The following AGPS variants were observed in gnomAD, a reference collection of about 807,000 sequenced individuals.
AGPS encodes the protein alkyldihydroxyacetonephosphate synthase, peroxisomal.
In AGPS, 26 loss-of-function variants were observed where a neutral mutation model predicts 90.7. The ratio of observed to expected loss-of-function variants is 0.29; its 90% CI spans 0.21 to 0.40. The LOEUF (loss-of-function observed/expected upper bound fraction) is 0.40, where lower values mean the gene tolerates loss of function less well. Among genes scored for constraint, AGPS ranks in the 10% least tolerant of loss-of-function variants. The probability of loss-of-function intolerance (pLI) is 1.00; values close to 1 mark genes in which losing one functional copy is unlikely to be tolerated. For missense variants in AGPS, 540 were observed against 816.1 expected (o/e 0.66, Z 4.12); for synonymous variants, 294 against 285.3 (o/e 1.03, Z -0.31).
At chr2:177,503,625 A>G (rs1040130894) in intron 14 of AGPS, among the ~76,000 whole-genome samples, 20 of 152,232 alleles carry the variant, frequency 1.3e-4, no homozygotes, top group Non-Finnish European at 2.9e-4. Flanking sequence ...GAGTGATTAC[A>G]AAAGTCACAA....
intron 1 of AGPS, among the ~76,000 whole-genome samples, chr2:177,408,603 C>T (rs1342107418): frequency 6.6e-6 from 1 of 152,170 alleles, no homozygotes; most frequent in Non-Finnish European, 1.5e-5. Flanking sequence ...CTGTCTCCCA[C>T]ATGGTGAGTG....
intron 2 of AGPS, among the ~76,000 whole-genome samples, chr2:177,431,946 T>A (rs1354532079): frequency 6.6e-6 from 1 of 152,218 alleles, no homozygotes; most frequent in Non-Finnish European, 1.5e-5. Flanking sequence ...ATAAGAGTAT[T>A]AATTTTGGGA....
At chr2:177,495,069 A>G (rs555040586) in intron 12 of AGPS, among the ~76,000 whole-genome samples, 35 of 152,350 alleles carry the variant, frequency 2.3e-4, no homozygotes, top group Middle Eastern at 3.4e-3. Context: ...AACTCTTAAT[A>G]CATTATATTG....
At chr2:177,511,159 C>T (rs1295610433) in intron 16 of AGPS, among the ~76,000 whole-genome samples, 3 of 152,080 alleles carry the variant, frequency 2.0e-5, no homozygotes, top group Admixed American at 1.3e-4. Flanking sequence ...AGTGCAGTGA[C>T]GCTTATCACG....
At position 177,539,067 on chromosome 2, in the gene AGPS, A is replaced by G. The variant is rs2079208878; in HGVS notation, c.*872A>G. Reference sequence around the variant, plus strand: ...AACAGCTACAGCAAGAGCAGAAGGAAAACTCTTAGACTTAATGTCTCCAAT... The same window carrying G: ...AACAGCTACAGCAAGAGCAGAAGGAGAACTCTTAGACTTAATGTCTCCAAT... On this transcript the variant is annotated 3_prime_UTR_variant, in exon 20 of 20. Coordinates refer to ENST00000264167, the MANE Select transcript of AGPS (RefSeq NM_003659.4). 1.3e-5 allele frequency: 2 copies of G among 152,192 alleles called. No individual in the cohort carries two copies. Among genetic ancestry groups the G allele is most frequent in the African/African-American group, 4.8e-5 (2 of 41,572 alleles). The allele number at this position is 152,192 out of a possible 1,614,324, so 9.4% of individuals were successfully genotyped here.
chr2:177,517,269 C>G (rs774947653), intron 17 of AGPS, among the ~76,000 whole-genome samples: 1 of 151,920 alleles, frequency 6.6e-6, no homozygotes, highest in African/African-American at 2.4e-5. Context: ...TTCTTGATAT[C>G]TTTTGTATAT....
chr2:177,534,813 G>A (rs918166538), intron 19 of AGPS, among the ~76,000 whole-genome samples: 7 of 77,692 alleles, frequency 9.0e-5, no homozygotes, highest in South Asian at 6.0e-4. Flanking sequence ...TACCCAGGCT[G>A]GTCTTGAACT....
At position 177,540,345 on chromosome 2, in the gene AGPS, A is replaced by G. The variant is rs1336425030; in HGVS notation, c.*2150A>G. The G allele has an allele frequency of 1.3e-5, 2 of 151,970 alleles. No homozygotes were observed. The highest frequency in any genetic ancestry group is 4.8e-5 in the African/African-American group (2 of 41,410). 9.4% of individuals were successfully genotyped at this position (151,970 alleles called of 1,614,324 possible). On this transcript the variant is annotated 3_prime_UTR_variant, in exon 20 of 20. Coordinates refer to ENST00000264167, the MANE Select transcript of AGPS (RefSeq NM_003659.4). Reference sequence around the variant, plus strand: ...TTCCAAGTATATGCAGGACTCCCCAACCTTGATTTTATAATGGTGACTGCA... The same window carrying G: ...TTCCAAGTATATGCAGGACTCCCCAGCCTTGATTTTATAATGGTGACTGCA...
At chr2:177,402,916 G>A (rs1028986419) in intron 1 of AGPS, among the ~76,000 whole-genome samples, 4 of 152,048 alleles carry the variant, frequency 2.6e-5, no homozygotes, top group African/African-American at 9.7e-5. Context: ...AATTAGCCAG[G>A]CGTGGTGGTG....
chr2:177,436,823 C>A lies in AGPS; in HGVS notation c.501C>A (p.Asp167Glu). The change falls in exon 4 of 20, where the codon GAC becomes GAA. Residue 167 changes from aspartate to glutamate, a missense_variant. Transcript: ENST00000264167. ...TTGTAAATGAAGATTTTCTTCATGACCTTAAAGAAACTAATATTTCATATT... is the reference window on the plus strand; with the variant it reads ...TTGTAAATGAAGATTTTCTTCATGAACTTAAAGAAACTAATATTTCATATT... ...PSVVNEDFLH[D>E]LKETNISYSQ... is the part of the protein sequence containing the mutation. The A allele has an allele frequency of 1.2e-6, 2 of 1,610,750 alleles. No homozygotes were observed. Among genetic ancestry groups the A allele is most frequent in the African/African-American group, 1.3e-5 (1 of 74,938 alleles).
intron 17 of AGPS, among the ~76,000 whole-genome samples, chr2:177,517,143 C>T (rs1689042223): frequency 6.6e-6 from 1 of 152,044 alleles, no homozygotes; most frequent in Non-Finnish European, 1.5e-5. Flanking sequence ...GTGGGAGCCT[C>T]TGTAAATTGC....
intron 12 of AGPS, among the ~76,000 whole-genome samples, chr2:177,497,111 G>A (rs1201954158): frequency 1.3e-5 from 2 of 151,962 alleles, no homozygotes; most frequent in Non-Finnish European, 2.9e-5. Flanking sequence ...AGGCAAAGAT[G>A]TTAATTTAAC....
Position 177,540,031 on chromosome 2 carries a change from G to GTATATATATA in AGPS, c.*1850_*1859dup, listed in dbSNP as rs373957026. On this transcript the variant is annotated 3_prime_UTR_variant, in exon 20 of 20. Transcript: ENST00000264167. ...TTAAGGTACTAATGTCTCACTGGAAGTATATATATATATATATATATATGT... is the reference window on the plus strand; with the variant it reads ...TTAAGGTACTAATGTCTCACTGGAAGTATATATATATATATATATATATATATATATATGT... 2.4e-5 allele frequency: 3 copies of GTATATATATA among 127,592 alleles called. No homozygotes were observed. The highest frequency in any genetic ancestry group is 5.7e-5 in the African/African-American group (2 of 34,890). The allele number at this position is 127,592 out of a possible 1,614,324, so 7.9% of individuals were successfully genotyped here. A position where few individuals can be genotyped will look rare whatever the true frequency, so the allele number is the denominator to read the frequency against.
chr2:177,542,399 A>G lies in AGPS; in HGVS notation c.*4204A>G, dbSNP rs2079245189. The G allele has an allele frequency of 2.0e-5, 3 of 152,326 alleles. No homozygotes were observed. Among genetic ancestry groups the G allele is most frequent in the East Asian group, 1.9e-4 (1 of 5,186 alleles). 9.4% of individuals were successfully genotyped at this position (152,326 alleles called of 1,614,324 possible). ...TGAGCACTCTTGTGCTCTTCTAATC[A>G]TAATTAATTCCTTAACAAATCAGAG... is the stretch of plus-strand genomic sequence containing the variant. On this transcript the variant is annotated 3_prime_UTR_variant, in exon 20 of 20. Transcript: ENST00000264167.
chr2:177,394,667 A>G (rs924265399), intron 1 of AGPS, among the ~76,000 whole-genome samples: 16 of 152,222 alleles, frequency 1.1e-4, no homozygotes, highest in Non-Finnish European at 2.9e-5. Flanking sequence ...AATTTCCACT[A>G]CACCGTTACA....
Position 177,542,278 on chromosome 2 carries a change from A to G in AGPS, c.*4083A>G, listed in dbSNP as rs1244283463. On this transcript the variant is annotated 3_prime_UTR_variant, in exon 20 of 20. Coordinates refer to ENST00000264167, the MANE Select transcript of AGPS (RefSeq NM_003659.4). ...GTTAGCTAGGTTTTGTCAATCCCTA[A>G]TCATTTTTTAAAATCAATGCTGTAT... 6.6e-6 allele frequency: 1 copy of G among 152,146 alleles called. No individual in the cohort carries two copies. Among genetic ancestry groups the G allele is most frequent in the Non-Finnish European group, 1.5e-5 (1 of 68,032 alleles). 9.4% of individuals were successfully genotyped at this position (152,146 alleles called of 1,614,324 possible). A position where few individuals can be genotyped will look rare whatever the true frequency, so the allele number is the denominator to read the frequency against.
At chr2:177,487,774 G>A (rs1303827896) in intron 11 of AGPS, among the ~76,000 whole-genome samples, 2 of 152,022 alleles carry the variant, frequency 1.3e-5, no homozygotes, top group African/African-American at 2.4e-5. Flanking sequence ...TTTACTGTTT[G>A]ATCCAGCAAA....
intron 14 of AGPS, 95 bp downstream of exon 14, chr2:177,499,825 CCAAA>C: frequency 1.3e-6 from 1 of 796,286 alleles, no homozygotes; most frequent in Non-Finnish European, 2.2e-6. Flanking sequence ...ATTAATGTCT[CCAAA>C]CAGACTGCAT....
chr2:177,465,563 G>A lies in AGPS; in HGVS notation c.997-2853G>A, dbSNP rs188968508. ...ACAGAGTAGTGAGGGGTGTGTGAATGAGTGAGTGTGGAGTCTGGCCACAGC... is the reference window on the plus strand; with the variant it reads ...ACAGAGTAGTGAGGGGTGTGTGAATAAGTGAGTGTGGAGTCTGGCCACAGC... On this transcript the variant is annotated intron_variant, in intron 9 of 19. Coordinates refer to ENST00000264167, the MANE Select transcript of AGPS (RefSeq NM_003659.4). Among the ~76,000 whole-genome samples the A allele has an allele frequency of 1.4e-3, 220 of 152,326 alleles. 1 individual carries two copies. Among genetic ancestry groups the A allele is most frequent in the African/African-American group, 5.1e-3 (213 of 41,566 alleles).
Sources: allele counts gnomAD v4.1 joint callset (sites outside exome capture counted in the v4.1 genomes callset), GRCh38; gene constraint gnomAD v4.1.1; transcripts MANE v1.5; gene names NCBI Gene and HGNC (gene_info 2026-07-23, HGNC 2026-07-21).